MSI2: variants seen among roughly 807,000 people sequenced by gnomAD.
MSI2 encodes musashi RNA binding protein 2, also known as RNA-binding protein Musashi homolog 2.
A neutral mutation model predicts 45.6 loss-of-function variants in MSI2; 17 were observed. The ratio of observed to expected loss-of-function variants is 0.37; its 90% CI spans 0.26 to 0.56. The LOEUF (loss-of-function observed/expected upper bound fraction) is 0.56, where lower values mean the gene tolerates loss of function less well. MSI2 is among the 20% of genes least tolerant of loss of function. The probability of loss-of-function intolerance (pLI) is 0.77; values close to 1 mark genes in which losing one functional copy is unlikely to be tolerated. For missense variants in MSI2, 293 were observed against 444.2 expected (o/e 0.66, Z 3.06); for synonymous variants, 156 against 158.2 (o/e 0.99, Z 0.11).
chr17:57,356,692 G>A (rs1916446774), intron 5 of MSI2, among the ~76,000 whole-genome samples: 1 of 152,092 alleles, frequency 6.6e-6, no homozygotes, highest in African/African-American at 2.4e-5. Context: ...GATGTTTTAT[G>A]CCTAAATCAT....
chr17:57,307,451 G>A (rs1912015101), intron 5 of MSI2, among the ~76,000 whole-genome samples: 1 of 144,052 alleles, frequency 6.9e-6, no homozygotes, highest in Non-Finnish European at 1.5e-5. Context: ...TTGAGATGGA[G>A]TCTCTCTCTG....
intron 7 of MSI2, among the ~76,000 whole-genome samples, chr17:57,554,471 A>G (rs895133372): frequency 1.3e-5 from 2 of 152,308 alleles, no homozygotes; most frequent in African/African-American, 2.4e-5. Flanking sequence ...CTCCTCAGCA[A>G]GTAGTCAATG....
chr17:57,605,873 C>T (rs1276958711), intron 8 of MSI2, among the ~76,000 whole-genome samples: 2 of 152,232 alleles, frequency 1.3e-5, no homozygotes, highest in African/African-American at 2.4e-5. Context: ...CCCAGCCCAC[C>T]GTGCCCTGGG....
intron 5 of MSI2, among the ~76,000 whole-genome samples, chr17:57,285,553 T>TG (rs1450509756): frequency 6.6e-6 from 1 of 152,158 alleles, no homozygotes; most frequent in Non-Finnish European, 1.5e-5. Context: ...GGCTGGGGTG[T>TG]GGGGAAAGTA....
chr17:57,549,671 G>T (rs1260391268), intron 7 of MSI2, among the ~76,000 whole-genome samples: 1 of 152,164 alleles, frequency 6.6e-6, no homozygotes, highest in Non-Finnish European at 1.5e-5. Context: ...TTTACCTAAT[G>T]GGTGACTGAT....
intron 5 of MSI2, among the ~76,000 whole-genome samples, chr17:57,334,781 G>A (rs563362021): frequency 6.7e-5 from 10 of 150,212 alleles, no homozygotes; most frequent in African/African-American, 1.7e-4. Context: ...GCAACAGTAC[G>A]AGACTCCATC....
intron 7 of MSI2, among the ~76,000 whole-genome samples, chr17:57,549,862 T>C (rs1228883544): frequency 3.3e-5 from 5 of 152,174 alleles, no homozygotes; most frequent in Non-Finnish European, 5.9e-5. Flanking sequence ...CCCAAGGCCT[T>C]GCTGAGTAGA....
chr17:57,388,665 C>T (rs1482754570), intron 5 of MSI2, among the ~76,000 whole-genome samples: 4 of 151,910 alleles, frequency 2.6e-5, no homozygotes, highest in Non-Finnish European at 5.9e-5. Context: ...TTTTCTTTTT[C>T]TTTTTTTTGG....
At chr17:57,376,802 C>A (rs953195718) in intron 5 of MSI2, among the ~76,000 whole-genome samples, 6 of 152,150 alleles carry the variant, frequency 3.9e-5, no homozygotes, top group Non-Finnish European at 7.3e-5. Flanking sequence ...CTTTGGGCAA[C>A]ATTTGCTGCC....
chr17:57,482,414 C>G (rs1216367376), intron 6 of MSI2, among the ~76,000 whole-genome samples: 1 of 152,228 alleles, frequency 6.6e-6, no homozygotes, highest in African/African-American at 2.4e-5. Flanking sequence ...CCCAGACTTA[C>G]TTTTGTAGTC....
At chr17:57,693,666 T>G in the MSI2 span, among the ~76,000 whole-genome samples, 26 of 152,234 alleles carry the variant, frequency 1.7e-4, no homozygotes, top group Non-Finnish European at 3.4e-4. Context: ...TTACTTTAAG[T>G]TTCCTATGTG....
At chr17:57,567,945 G>A (rs1471992453) in intron 7 of MSI2, among the ~76,000 whole-genome samples, 1 of 152,334 alleles carries the variant, frequency 6.6e-6, no homozygotes, top group Middle Eastern at 3.4e-3. Flanking sequence ...TGCAAGAGTA[G>A]TATTACTGTC....
At chr17:57,411,068 G>A (rs1221741554) in intron 6 of MSI2, among the ~76,000 whole-genome samples, 1 of 152,192 alleles carries the variant, frequency 6.6e-6, no homozygotes, top group Non-Finnish European at 1.5e-5. Context: ...GCAGCAGCAC[G>A]ATTTCAGCTC....
chr17:57,616,280 CAT>C (rs1491127415), intron 9 of MSI2, 196 bp downstream of exon 9: 4 of 531,914 alleles, frequency 7.5e-6, no homozygotes, highest in Admixed American at 3.5e-5. Context: ...TGTGTGCATG[CAT>C]GTGTGTGTGT....
At chr17:57,662,574 TA>T (rs1466284104) in intron 11 of MSI2, among the ~76,000 whole-genome samples, 3 of 152,232 alleles carry the variant, frequency 2.0e-5, no homozygotes, top group Non-Finnish European at 2.9e-5. Flanking sequence ...GATTTGAGCC[TA>T]AGCCTGTCGT....
At chr17:57,691,178 T>TTA in the MSI2 span, among the ~76,000 whole-genome samples, 2 of 144,462 alleles carry the variant, frequency 1.4e-5, no homozygotes, top group African/African-American at 2.5e-5. Flanking sequence ...CTCTCTCTCT[T>TTA]TCTCTCTCTC....
intron 6 of MSI2, chr17:57,444,585 G>GA (rs370342154): frequency 6.1e-4 from 84 of 137,422 alleles, no homozygotes; most frequent in Non-Finnish European, 7.7e-4. Context: ...CGTCTCAAAA[G>GA]AAAAAAAAAA....
intron 8 of MSI2, among the ~76,000 whole-genome samples, chr17:57,604,376 C>G (rs767700807): frequency 2.0e-5 from 3 of 152,074 alleles, no homozygotes; most frequent in Admixed American, 6.5e-5. Flanking sequence ...TAAGGAGGTC[C>G]TCAGCAGATT....
chr17:57,275,609 C>T (rs1290217708), intron 5 of MSI2, among the ~76,000 whole-genome samples: 1 of 152,114 alleles, frequency 6.6e-6, no homozygotes, highest in Non-Finnish European at 1.5e-5. Flanking sequence ...GTATGTGGGT[C>T]CCTTTCACTT....
Sources: allele counts gnomAD v4.1 joint callset (sites outside exome capture counted in the v4.1 genomes callset), GRCh38; gene constraint gnomAD v4.1.1; transcripts MANE v1.5; gene names NCBI Gene and HGNC (gene_info 2026-07-23, HGNC 2026-07-21).